PRKCA: variants seen among roughly 807,000 people sequenced by gnomAD.
PRKCA encodes the protein protein kinase C alpha.
A neutral mutation model predicts 87.0 loss-of-function variants in PRKCA; 27 were observed. The ratio of observed to expected loss-of-function variants is 0.31; its 90% confidence interval spans 0.23 to 0.43. The LOEUF (loss-of-function observed/expected upper bound fraction) is 0.43, where lower values mean the gene tolerates loss of function less well. Among genes scored for constraint, PRKCA ranks in the 20% least tolerant of loss-of-function variants. The probability of loss-of-function intolerance (pLI) is 1.00; values close to 1 mark genes in which losing one functional copy is unlikely to be tolerated. For missense variants in PRKCA, 518 were observed against 852.3 expected (o/e 0.61, Z 4.88); for synonymous variants, 329 against 311.1 (o/e 1.06, Z -0.61).
chr17:66,672,151 A>G (rs372385359), intron 5 of PRKCA, among the ~76,000 whole-genome samples: 41 of 152,268 alleles, frequency 2.7e-4, no homozygotes, highest in African/African-American at 8.4e-4. Flanking sequence ...ATTTAACTAC[A>G]TAATAAGTTA....
chr17:66,357,527 G>C (rs1226028050), intron 2 of PRKCA, among the ~76,000 whole-genome samples: 1 of 152,162 alleles, frequency 6.6e-6, no homozygotes, highest in African/African-American at 2.4e-5. Context: ...TTCTGTTAAG[G>C]AAGATGGTAT....
chr17:66,494,117 C>A (rs752283353), intron 2 of PRKCA, among the ~76,000 whole-genome samples: 13 of 152,196 alleles, frequency 8.5e-5, no homozygotes, highest in Admixed American at 6.5e-5. Flanking sequence ...TCCTGCCACC[C>A]TCTTCCACCT....
chr17:66,747,842 C>T (rs1427867544), intron 13 of PRKCA, among the ~76,000 whole-genome samples: 3 of 152,210 alleles, frequency 2.0e-5, no homozygotes, highest in Non-Finnish European at 2.9e-5. Context: ...CACACGCAAG[C>T]CCCTCCCCAG....
At chr17:66,549,615 T>C (rs1409610816) in intron 3 of PRKCA, among the ~76,000 whole-genome samples, 1 of 152,210 alleles carries the variant, frequency 6.6e-6, no homozygotes, top group South Asian at 2.1e-4. Context: ...TATTGAGCAG[T>C]TGTGTGAATT....
intron 2 of PRKCA, among the ~76,000 whole-genome samples, chr17:66,479,321 T>C (rs538638228): frequency 7.2e-5 from 11 of 152,224 alleles, no homozygotes; most frequent in African/African-American, 2.6e-4. Context: ...CTCACACCAG[T>C]CAGAATAGCT....
At chr17:66,340,666 A>G (rs2088658742) in intron 2 of PRKCA, among the ~76,000 whole-genome samples, 1 of 152,194 alleles carries the variant, frequency 6.6e-6, no homozygotes, top group African/African-American at 2.4e-5. Context: ...AATGTAGAGC[A>G]AAGGAAAATG....
chr17:66,530,924 T>C (rs566651623), intron 3 of PRKCA, among the ~76,000 whole-genome samples: 4 of 152,232 alleles, frequency 2.6e-5, no homozygotes, highest in Admixed American at 6.5e-5. Flanking sequence ...CCACCCTCCT[T>C]CTCTTATACC....
intron 2 of PRKCA, chr17:66,416,955 A>G (rs978464520): frequency 1.3e-5 from 2 of 156,238 alleles, no homozygotes; most frequent in Admixed American, 6.5e-5. Context: ...CTGGAGTGCA[A>G]TGGCGCGATC....
intron 2 of PRKCA, among the ~76,000 whole-genome samples, chr17:66,355,457 T>C (rs1361472651): frequency 1.3e-5 from 2 of 152,196 alleles, no homozygotes; most frequent in Admixed American, 1.3e-4. Flanking sequence ...GTCTTGAATT[T>C]CCACCATTAA....
chr17:66,372,913 C>G (rs796506837), intron 2 of PRKCA, among the ~76,000 whole-genome samples: 1 of 152,110 alleles, frequency 6.6e-6, no homozygotes, highest in South Asian at 2.1e-4. Context: ...AAAAATTAGC[C>G]GGGCTTGGTG....
rs9898960 is a variant in PRKCA, at chr17:66,591,333, T to A, written c.289-50022T>A. 3.1e-3 allele frequency among the ~76,000 whole-genome samples: 466 copies of A among 151,552 alleles called. 4 individuals are homozygous for A. Among genetic ancestry groups the A allele is most frequent in the African/African-American group, 0.01 (432 of 41,324 alleles). On this transcript the variant is annotated intron_variant, in intron 3 of 16. Transcript: ENST00000413366. ...ATGCCCAGCTAATTTTTTTTTTTTTTATTTTAGTAGGGATGAGGTCTTGCC... is the reference window on the plus strand; with the variant it reads ...ATGCCCAGCTAATTTTTTTTTTTTTAATTTTAGTAGGGATGAGGTCTTGCC...
At chr17:66,499,671 G>A (rs192631917) in intron 3 of PRKCA, among the ~76,000 whole-genome samples, 1 of 152,270 alleles carries the variant, frequency 6.6e-6, no homozygotes, top group East Asian at 1.9e-4. Flanking sequence ...ACACCCGTGA[G>A]CTGATGCCCA....
chr17:66,306,769 A>G (rs150954682), intron 2 of PRKCA, among the ~76,000 whole-genome samples: 20 of 152,252 alleles, frequency 1.3e-4, no homozygotes, highest in Non-Finnish European at 2.8e-4. Flanking sequence ...CACACATCGA[A>G]TATCTAACTT....
chr17:66,480,702 T>C (rs1232198643), intron 2 of PRKCA, among the ~76,000 whole-genome samples: 3 of 152,112 alleles, frequency 2.0e-5, no homozygotes, highest in African/African-American at 7.2e-5. Context: ...CCACCATTGA[T>C]TGAAACCAAA....
At chr17:66,521,426 AT>A (rs1180734429) in intron 3 of PRKCA, among the ~76,000 whole-genome samples, 2 of 152,016 alleles carry the variant, frequency 1.3e-5, no homozygotes, top group African/African-American at 2.4e-5. Context: ...GGCCACAGAG[AT>A]TTTTTTTCTT....
At chr17:66,377,082 A>T (rs1235192565) in intron 2 of PRKCA, among the ~76,000 whole-genome samples, 3 of 151,932 alleles carry the variant, frequency 2.0e-5, no homozygotes, top group Non-Finnish European at 2.9e-5. Flanking sequence ...CTGGAATGCA[A>T]TGGCATGATC....
rs9912476 is a variant in PRKCA at position 66,737,981 on chromosome 17, T to G, written c.1231-783T>G. Among the ~76,000 whole-genome samples the G allele has an allele frequency of 9.0e-3, 1,377 of 152,360 alleles. 21 individuals carry two copies. The highest frequency in any genetic ancestry group is 0.032 in the African/African-American group (1,319 of 41,584). ...TCTCCCTGTGCAGCACTTTAATGTT[T>G]AATATCCTCTGTGAAATGGGGATGT... On this transcript the variant is annotated intron_variant, in intron 10 of 16. Transcript: ENST00000413366.
chr17:66,384,123 C>T (rs1036529591), intron 2 of PRKCA, among the ~76,000 whole-genome samples: 19 of 152,062 alleles, frequency 1.2e-4, no homozygotes, highest in African/African-American at 2.2e-4. Flanking sequence ...GCTTGACACA[C>T]GGAATGCTCA....
At chr17:66,375,482 T>A (rs61282446) in intron 2 of PRKCA, among the ~76,000 whole-genome samples, 1 of 151,940 alleles carries the variant, frequency 6.6e-6, no homozygotes, top group Non-Finnish European at 1.5e-5. Context: ...GCTGATCCCC[T>A]TACCTCTGAA....
Sources: allele counts gnomAD v4.1 joint callset (sites outside exome capture counted in the v4.1 genomes callset), GRCh38; gene constraint gnomAD v4.1.1; transcripts MANE v1.5; gene names NCBI Gene and HGNC (gene_info 2026-07-23, HGNC 2026-07-21).